Variants in VPS41 observed in about 807,000 individuals in gnomAD.
The protein encoded by VPS41 is vacuolar protein sorting-associated protein 41 homolog.
In VPS41, 85 loss-of-function variants were observed where a neutral mutation model predicts 130.9. The observed-to-expected ratio is 0.65, with a 90% CI of 0.55 to 0.78. The LOEUF is 0.78. Ranked by LOEUF, VPS41 falls within the 30% of genes least tolerant of loss-of-function variation. The probability of loss-of-function intolerance (pLI) is 0.00; values close to 1 mark genes in which losing one functional copy is unlikely to be tolerated. For missense variants in VPS41, 874 were observed against 1,018.7 expected, an observed-to-expected ratio of 0.86 and a Z score of 1.93; for synonymous variants, 335 against 332.9, an observed-to-expected ratio of 1.01 and a Z score of -0.07.
chr7:38,754,184 A>G (rs1024596734), intron 21 of VPS41, among the ~76,000 whole-genome samples: 9 of 152,310 alleles, frequency 5.9e-5, no homozygotes, highest in Admixed American at 5.9e-4. Context: ...ATGGTGAGGG[A>G]CAAAAGAAAT....
chr7:38,909,130 T>TCAACTAC (rs749451863), intron 1 of VPS41, 24 bp downstream of exon 1: 28 of 1,611,090 alleles, frequency 1.7e-5, no homozygotes, highest in Non-Finnish European at 2.2e-5. Flanking sequence ...CCCTGTGCCC[T>TCAACTAC]CAACTACCAC....
intron 1 of VPS41, 134 bp downstream of exon 1, chr7:38,909,020 C>CCCCCCCCTGCCCCCGA: frequency 9.1e-7 from 1 of 1,100,104 alleles, no homozygotes; most frequent in Non-Finnish European, 1.4e-6. Context: ...CGCCATCCCA[C>CCCCCCCCTGCCCCCGA]CCCGCCCTGC....
At chr7:38,796,619 G>A (rs959706106) in intron 8 of VPS41, 126 bp downstream of exon 8, 48 of 1,405,174 alleles carry the variant, frequency 3.4e-5, no homozygotes, top group Middle Eastern at 1.8e-4. Flanking sequence ...GATACCAATC[G>A]TCCTTACACC....
chr7:38,893,105 C>T (rs1449707201), intron 2 of VPS41, among the ~76,000 whole-genome samples: 3 of 152,162 alleles, frequency 2.0e-5, no homozygotes, highest in South Asian at 2.1e-4. Context: ...GGTGGCTCCC[C>T]GATGGCCACA....
chr7:38,895,738 A>G (rs1786971676), intron 2 of VPS41, among the ~76,000 whole-genome samples: 1 of 152,080 alleles, frequency 6.6e-6, no homozygotes, highest in Admixed American at 6.6e-5. Context: ...GCCGCTAAGG[A>G]TGCCTCCCCC....
chr7:38,767,472 T>C (rs777611250), intron 15 of VPS41, 65 bp downstream of exon 15: 126 of 1,144,072 alleles, frequency 1.1e-4, no homozygotes, highest in Non-Finnish European at 8.8e-5. Context: ...AATGGCTTAT[T>C]TTTACTGTTA....
chr7:38,739,291 A>G (rs1482821393), intron 25 of VPS41, among the ~76,000 whole-genome samples: 1 of 152,218 alleles, frequency 6.6e-6, no homozygotes, highest in African/African-American at 2.4e-5. Flanking sequence ...AAATTGATGA[A>G]CATGCAAAAT....
At chr7:38,753,098 C>A (rs1783713880) in intron 21 of VPS41, among the ~76,000 whole-genome samples, 1 of 152,090 alleles carries the variant, frequency 6.6e-6, no homozygotes, top group Non-Finnish European at 1.5e-5. Flanking sequence ...AGTCAAAAAA[C>A]AATTCAATGT....
At chr7:38,826,926 C>G (rs574422121) in intron 5 of VPS41, among the ~76,000 whole-genome samples, 2 of 152,228 alleles carry the variant, frequency 1.3e-5, no homozygotes, top group African/African-American at 2.4e-5. Flanking sequence ...TCACACCATT[C>G]TCCTGCCTCA....
chr7:38,874,369 A>G (rs1786443083), intron 2 of VPS41, among the ~76,000 whole-genome samples: 1 of 152,162 alleles, frequency 6.6e-6, no homozygotes, highest in Middle Eastern at 3.2e-3. Context: ...AATGATACTC[A>G]ATATACTGAT....
intron 13 of VPS41, among the ~76,000 whole-genome samples, chr7:38,771,861 C>T (rs565349543): frequency 2.0e-5 from 3 of 151,756 alleles, no homozygotes; most frequent in Non-Finnish European, 2.9e-5. Context: ...AACTAGGTAT[C>T]GATACCTGGA....
chr7:38,908,631 G>A (rs1787320440), intron 1 of VPS41, among the ~76,000 whole-genome samples: 1 of 152,178 alleles, frequency 6.6e-6, no homozygotes, highest in South Asian at 2.1e-4. Flanking sequence ...GGTAAGAAAA[G>A]GAACCAGCAC....
intron 4 of VPS41, among the ~76,000 whole-genome samples, chr7:38,840,594 G>T (rs771315038): frequency 5.9e-5 from 9 of 152,052 alleles, no homozygotes; most frequent in Admixed American, 2.6e-4. Context: ...TAAATGTTAA[G>T]TAAATGAAGA....
intron 3 of VPS41, among the ~76,000 whole-genome samples, chr7:38,864,152 T>C (rs1426802468): frequency 6.6e-6 from 1 of 152,200 alleles, no homozygotes; most frequent in Non-Finnish European, 1.5e-5. Context: ...ATAAATACCG[T>C]ATTTAGTTTG....
intron 14 of VPS41, among the ~76,000 whole-genome samples, chr7:38,768,720 T>C (rs567482995): frequency 6.6e-6 from 1 of 152,218 alleles, no homozygotes; most frequent in Non-Finnish European, 1.5e-5. Flanking sequence ...AGAGAAAGAA[T>C]GTCTCCTTTT....
At chr7:38,772,397 C>T (rs1348864637) in intron 13 of VPS41, 125 bp downstream of exon 13, 1 of 608,662 alleles carries the variant, frequency 1.6e-6, no homozygotes, top group Non-Finnish European at 2.8e-6. Context: ...TATTAACTTC[C>T]TACATATTTT....
chr7:38,870,739 CAAAAAAAAA>C (rs70977434), intron 2 of VPS41, among the ~76,000 whole-genome samples: 160 of 29,748 alleles, frequency 5.4e-3, no homozygotes, highest in Admixed American at 9.0e-3. Context: ...ACTATATGTT[CAAAAAAAAA>C]AAAAAAAAAA....
intron 7 of VPS41, among the ~76,000 whole-genome samples, chr7:38,817,143 G>A (rs1451660807): frequency 5.3e-5 from 8 of 151,200 alleles, no homozygotes; most frequent in African/African-American, 1.5e-4. Context: ...ATCAAGGCCC[G>A]CAAGAGATTT....
intron 4 of VPS41, among the ~76,000 whole-genome samples, chr7:38,833,688 T>C (rs953463752): frequency 2.0e-5 from 3 of 152,226 alleles, no homozygotes; most frequent in Admixed American, 1.3e-4. Context: ...TATCTTAGTG[T>C]ATCTTTTACT....
Sources: allele counts gnomAD v4.1 joint callset (sites outside exome capture counted in the v4.1 genomes callset), GRCh38; gene constraint gnomAD v4.1.1; transcripts MANE v1.5; gene names NCBI Gene and HGNC (gene_info 2026-07-23, HGNC 2026-07-21).